GRAMD4: variants seen among roughly 807,000 people sequenced by gnomAD.
GRAMD4 encodes the protein GRAM domain-containing protein 4.
A neutral mutation model predicts 83.9 loss-of-function variants in GRAMD4; 25 were observed. The observed-to-expected ratio is 0.30, with a 90% CI of 0.22 to 0.42. The LOEUF (loss-of-function observed/expected upper bound fraction) is 0.42. Ranked by LOEUF, GRAMD4 falls within the 10% of genes least tolerant of loss-of-function variation. GRAMD4 has a pLI of 1.00. For synonymous variants in GRAMD4, 336 were observed against 320.9 expected, an observed-to-expected ratio of 1.05 and a Z score of -0.50; for missense variants, 593 against 788.7, an observed-to-expected ratio of 0.75 and a Z score of 2.97.
chr22:46,648,130 G>A (rs1290940845), intron 3 of GRAMD4, among the ~76,000 whole-genome samples: 4 of 151,946 alleles, frequency 2.6e-5, no homozygotes, highest in African/African-American at 9.7e-5. Context: ...GGGTGGATGG[G>A]TAGATGGATG....
chr22:46,587,282 G>C (rs1434997010), intron 1 of GRAMD4, among the ~76,000 whole-genome samples: 2 of 152,174 alleles, frequency 1.3e-5, no homozygotes, highest in African/African-American at 4.8e-5. Context: ...CCCAGCCACT[G>C]CTGGACCCCA....
chr22:46,614,651 G>A (rs138496), intron 1 of GRAMD4, among the ~76,000 whole-genome samples: 142,206 of 152,334 alleles, frequency 0.93, 66,466 homozygotes, highest in East Asian at 1. Context: ...GCATTCTGTG[G>A]GAGTCAGTTG....
intron 3 of GRAMD4, among the ~76,000 whole-genome samples, chr22:46,643,059 C>G (rs1278520288): frequency 6.6e-6 from 1 of 150,868 alleles, no homozygotes; most frequent in South Asian, 2.1e-4. Context: ...ATCCACCCAC[C>G]TACCCATCCA....
At chr22:46,668,419 G>A (rs564586721) in intron 11 of GRAMD4, among the ~76,000 whole-genome samples, 1 of 152,274 alleles carries the variant, frequency 6.6e-6, no homozygotes, top group African/African-American at 2.4e-5. Context: ...GACGGTGCGC[G>A]AGGGTGGAGC....
At chr22:46,584,222 GAGCCCGGGTT>G (rs2081125578) in intron 1 of GRAMD4, among the ~76,000 whole-genome samples, 1 of 152,086 alleles carries the variant, frequency 6.6e-6, no homozygotes, top group Non-Finnish European at 1.5e-5. Context: ...CTTCTGCAGG[GAGCCCGGGTT>G]CCTTTTGTTG....
intron 1 of GRAMD4, among the ~76,000 whole-genome samples, chr22:46,624,923 G>C (rs1408282662): frequency 8.0e-5 from 12 of 150,024 alleles, no homozygotes; most frequent in East Asian, 5.9e-4. Flanking sequence ...TGCAGTGGCG[G>C]GATCTCAGCT....
Position 46,663,027 on chromosome 22 carries a change from C to T in GRAMD4, c.467-13C>T, listed in dbSNP as rs779745235. The T allele has an allele frequency of 5.0e-6, 8 of 1,599,202 alleles. No individual in the cohort carries two copies. The East Asian group carries it at 1.3e-4, about 27-fold the overall frequency. ...GCCCTGCCGTGCCCTCACCGGGTCC[C>T]TGCCCCCTGCAGAGCGCCGGAGCCA... On this transcript the variant is annotated splice_polypyrimidine_tract_variant and intron_variant, in intron 5 of 18. Coordinates refer to ENST00000406902, the MANE Select transcript of GRAMD4 (RefSeq NM_015124.5).
At chr22:46,595,157 T>C (rs1032638227) in intron 1 of GRAMD4, among the ~76,000 whole-genome samples, 2 of 151,700 alleles carry the variant, frequency 1.3e-5, no homozygotes, top group Non-Finnish European at 2.9e-5. Flanking sequence ...GTGGGGGAAG[T>C]GAAGTCAGTG....
chr22:46,655,729 G>A (rs895125294), intron 3 of GRAMD4, among the ~76,000 whole-genome samples: 2 of 152,196 alleles, frequency 1.3e-5, no homozygotes, highest in South Asian at 2.1e-4. Context: ...GGCCGGGCTG[G>A]ACCCTGCCCC....
chr22:46,637,768 T>G (rs1352974097), intron 2 of GRAMD4, 72 bp from the exon 3 acceptor site: 14 of 1,563,102 alleles, frequency 9.0e-6, no homozygotes, highest in Non-Finnish European at 1.2e-5. Flanking sequence ...TGGGCACCTC[T>G]GGGGGAACTG....
At chr22:46,645,366 G>T (rs538834533) in intron 3 of GRAMD4, among the ~76,000 whole-genome samples, 2 of 152,148 alleles carry the variant, frequency 1.3e-5, no homozygotes, top group African/African-American at 2.4e-5. Flanking sequence ...CTAAGCCAAC[G>T]TCTGTGTGCC....
At position 46,628,090 on chromosome 22, in the gene GRAMD4, C is replaced by A. The variant is rs5769043; in HGVS notation, c.162+1129C>A. The stretch of plus-strand genomic sequence containing the variant: ...ACAGAGGGCATGGGTCACGATTCTC[C>A]GATGGTGGTCTGTGTGCTGAGCATG... On this transcript the variant is annotated intron_variant, in intron 2 of 18. Transcript: ENST00000406902. 3.0e-4 allele frequency among the ~76,000 whole-genome samples: 45 copies of A among 152,290 alleles called. No homozygotes were observed. The East Asian group carries it at 8.5e-3, about 29-fold the overall frequency.
intron 3 of GRAMD4, among the ~76,000 whole-genome samples, chr22:46,655,344 T>TAAGCGGGAAAG (rs912034711): frequency 6.6e-6 from 1 of 152,114 alleles, no homozygotes; most frequent in African/African-American, 2.4e-5. Context: ...TGAGGAGTTC[T>TAAGCGGGAAAG]AAGCGGGAAA....
At chr22:46,603,509 T>G (rs1378253132) in intron 1 of GRAMD4, among the ~76,000 whole-genome samples, 4 of 50,080 alleles carry the variant, frequency 8.0e-5, no homozygotes, top group Non-Finnish European at 1.2e-4. Flanking sequence ...GCGCCCGGCC[T>G]CTTCTCTTTT....
chr22:46,682,371 C>T (rs555709081), downstream of GRAMD4: 61 of 933,872 alleles, frequency 6.5e-5, no homozygotes, highest in Admixed American at 1.2e-4. Context: ...CTGTTACTAT[C>T]TGTAAATGAT....
At chr22:46,680,454 G>A (rs1382306751), downstream of GRAMD4, among the ~76,000 whole-genome samples, 1 of 151,910 alleles carries the variant, frequency 6.6e-6, no homozygotes, top group African/African-American at 2.4e-5. Flanking sequence ...AGTGGGCCAC[G>A]CCACCCTAAG....
intron 3 of GRAMD4, among the ~76,000 whole-genome samples, chr22:46,652,544 C>T (rs1208947076): frequency 6.6e-6 from 1 of 152,196 alleles, no homozygotes; most frequent in Non-Finnish European, 1.5e-5. Context: ...CGTGGCCTGC[C>T]CTGTGTGTGG....
chr22:46,609,408 G>A (rs1246558121), intron 1 of GRAMD4, among the ~76,000 whole-genome samples: 3 of 152,252 alleles, frequency 2.0e-5, no homozygotes, highest in Non-Finnish European at 2.9e-5. Flanking sequence ...TAGGCCTGGC[G>A]GAGCCCTTTG....
chr22:46,678,291 A>G lies in GRAMD4; in HGVS notation c.*1040A>G. On this transcript the variant is annotated 3_prime_UTR_variant, in exon 19 of 19. Coordinates refer to ENST00000406902, the MANE Select transcript of GRAMD4 (RefSeq NM_015124.5). ...GGCAGCCCCTGTGCTTTAGGGAGCAACCGTGAGCCGAGCCCAGAGGCCTGG... is the reference window on the plus strand; with the variant it reads ...GGCAGCCCCTGTGCTTTAGGGAGCAGCCGTGAGCCGAGCCCAGAGGCCTGG... 1 of 985,418 alleles carries G rather than the reference A, an allele frequency of 1.0e-6. No homozygotes were observed. The highest frequency in any genetic ancestry group is 1.2e-6 in the Non-Finnish European group (1 of 829,942). The allele number at this position is 985,418 out of a possible 1,614,324, so 61.0% of individuals were successfully genotyped here.
Sources: gnomAD v4.1 joint callset for allele counts (sites outside exome capture counted in the v4.1 genomes callset) on GRCh38, gnomAD v4.1.1 for gene constraint, MANE v1.5 for transcripts, NCBI Gene and HGNC (gene_info 2026-07-23, HGNC 2026-07-21) for gene names.